FBN2: variants seen among roughly 807,000 people sequenced by gnomAD.
FBN2 encodes the protein fibrillin-2.
In FBN2, 105 loss-of-function variants were observed where a neutral mutation model predicts 355.6. The observed-to-expected ratio is 0.30, with a 90% CI of 0.25 to 0.35. The LOEUF (loss-of-function observed/expected upper bound fraction) is 0.35. Ranked by LOEUF, FBN2 falls within the 10% of genes least tolerant of loss-of-function variation. The pLI is 1.00. For synonymous variants in FBN2, 1,350 were observed against 1,301.2 expected, an observed-to-expected ratio of 1.04 and a Z score of -0.81; for missense variants, 3,280 against 3,758.7, an observed-to-expected ratio of 0.87 and a Z score of 3.33.
At chr5:128,367,059 T>C (rs1751791403) in intron 16 of FBN2, among the ~76,000 whole-genome samples, 1 of 152,180 alleles carries the variant, frequency 6.6e-6, no homozygotes, top group Non-Finnish European at 1.5e-5. Flanking sequence ...AGGTATCACA[T>C]TTATTCAGTC....
chr5:128,504,277 A>T (rs1425821796), intron 5 of FBN2, among the ~76,000 whole-genome samples: 1 of 152,204 alleles, frequency 6.6e-6, no homozygotes, highest in Admixed American at 6.5e-5. Flanking sequence ...CAGCCCCCAC[A>T]CAGAGTCCCC....
intron 7 of FBN2, among the ~76,000 whole-genome samples, chr5:128,434,372 T>A (rs943880270): frequency 9.4e-6 from 1 of 105,992 alleles, no homozygotes; most frequent in Admixed American, 9.3e-5. Flanking sequence ...CATTTTTCAA[T>A]GCCTGGCAGT....
At chr5:128,286,924 C>A in intron 54 of FBN2, 75 bp from the exon 55 acceptor site, 1 of 1,359,628 alleles carries the variant, frequency 7.4e-7, no homozygotes, top group Non-Finnish European at 1.0e-6. Flanking sequence ...CAGGTGTGGT[C>A]TTCTGACACT....
At chr5:128,376,983 TA>T in intron 13 of FBN2, 130 bp from the exon 14 acceptor site, 8 of 1,154,130 alleles carry the variant, frequency 6.9e-6, no homozygotes, top group East Asian at 2.4e-5. Context: ...TAGTTTTTTT[TA>T]AAAAAAGAAC....
At chr5:128,297,380 C>G (rs1307062298) in intron 48 of FBN2, among the ~76,000 whole-genome samples, 2 of 152,108 alleles carry the variant, frequency 1.3e-5, no homozygotes, top group African/African-American at 2.4e-5. Flanking sequence ...GAGTTCAATT[C>G]CTGGGTATGC....
intron 7 of FBN2, among the ~76,000 whole-genome samples, chr5:128,412,072 A>C (rs1753083291): frequency 6.6e-6 from 1 of 152,130 alleles, no homozygotes; most frequent in South Asian, 2.1e-4. Flanking sequence ...CTGCACACTG[A>C]ATATACTGCC....
chr5:128,268,320 C>T (rs1157056669), intron 62 of FBN2, among the ~76,000 whole-genome samples: 7 of 152,084 alleles, frequency 4.6e-5, no homozygotes, highest in Non-Finnish European at 8.8e-5. Flanking sequence ...CAAGACTAAA[C>T]CAGGAAGAAG....
Position 128,392,122 on chromosome 5 carries a change from T to C in FBN2, c.1499A>G (p.His500Arg). The C allele has an allele frequency of 6.2e-7, 1 of 1,613,708 alleles. No homozygotes were observed. The highest frequency in any genetic ancestry group is 1.1e-5 in the South Asian group (1 of 91,066). Residue 500 changes from histidine (H) to arginine (R), a missense_variant, in exon 11 of 65, where the codon CAT becomes CGT. His to Arg is a conservative substitution (Grantham distance 29, BLOSUM62 0). Around this residue, in one of 6 missense-constraint regions of FBN2, gnomAD observed 343 missense variants for 331.0 expected, o/e 1.04. Transcript: ENST00000262464. ...TCCATTTAAACAAAGGTTAGCATGA[T>C]GCTTACAGATATCTATTGTCTGGTT... ...ILNQTIDICKHHANLCLNGRC... is the reference protein window; with the variant it reads ...ILNQTIDICKRHANLCLNGRC...
chr5:128,476,680 A>G (rs754262152), intron 5 of FBN2, among the ~76,000 whole-genome samples: 79 of 152,178 alleles, frequency 5.2e-4, no homozygotes, highest in African/African-American at 2.7e-4. Context: ...AAAAAAATAA[A>G]TAAGAACATA....
intron 55 of FBN2, among the ~76,000 whole-genome samples, chr5:128,285,403 A>T (rs1304383947): frequency 1.3e-5 from 2 of 152,342 alleles, no homozygotes; most frequent in Non-Finnish European, 1.5e-5. Context: ...AAAATTTTGC[A>T]GACATTTCAG....
chr5:128,357,575 A>T (rs1354373704), intron 19 of FBN2, among the ~76,000 whole-genome samples, 180 bp from the exon 20 acceptor site: 2 of 152,204 alleles, frequency 1.3e-5, no homozygotes, highest in African/African-American at 4.8e-5. Context: ...GTGGATACAC[A>T]TCTATAGGAC....
intron 6 of FBN2, among the ~76,000 whole-genome samples, chr5:128,464,069 A>T (rs2127083024): frequency 6.6e-6 from 1 of 152,346 alleles, no homozygotes; most frequent in South Asian, 2.1e-4. Flanking sequence ...ATTAATTAAA[A>T]TAATTAATCA....
At chr5:128,324,609 T>C (rs1319162431) in intron 34 of FBN2, among the ~76,000 whole-genome samples, 1 of 150,384 alleles carries the variant, frequency 6.6e-6, no homozygotes, top group Non-Finnish European at 1.5e-5. Flanking sequence ...AGTGAGTTTG[T>C]TTTCTTTTTC....
chr5:128,310,078 A>G lies in FBN2; in HGVS notation c.5105T>C (p.Val1702Ala), dbSNP rs1749991299. 1 of 1,613,544 alleles carries G rather than the reference A, an allele frequency of 6.2e-7. No individual in the cohort carries two copies. The highest frequency in any genetic ancestry group is 8.5e-7 in the Non-Finnish European group (1 of 1,179,494). The change falls in exon 40 of 65, where the codon GTG becomes GCG. Residue 1702 changes from valine to alanine, a missense_variant. Around this residue, in one of 6 missense-constraint regions of FBN2, gnomAD observed 2,284 missense variants for 2,749.5 expected, o/e 0.83. Transcript: ENST00000262464. ...DIDECFAHPG[V>A]CGPGTCYNTL... ...GTTATAGCAGGTCCCAGGCCCACAC[A>G]CACCAGGATGTGCAAAACACTCATC...
rs3805637 is a variant in FBN2, at chr5:128,348,864, T to G, written c.2989+483A>C. 2.6e-5 allele frequency among the ~76,000 whole-genome samples: 4 copies of G among 152,200 alleles called. No individual in the cohort carries two copies. In the East Asian group the frequency reaches 7.7e-4, roughly 29 times the overall value. On this transcript the variant is annotated intron_variant, in intron 23 of 64. Transcript: ENST00000262464. The stretch of plus-strand genomic sequence containing the variant: ...TTCATCACTACAGATCTTTAAAAAA[T>G]AAACTATTAAGAAAACTTAAACTCT...
At chr5:128,471,657 CA>C (rs910979932) in intron 5 of FBN2, among the ~76,000 whole-genome samples, 3 of 151,500 alleles carry the variant, frequency 2.0e-5, no homozygotes, top group Non-Finnish European at 4.4e-5. Context: ...AAAACAAAAA[CA>C]AAAAAAACTC....
intron 51 of FBN2, among the ~76,000 whole-genome samples, chr5:128,289,644 T>C (rs777890357): frequency 4.6e-5 from 7 of 152,076 alleles, no homozygotes; most frequent in Non-Finnish European, 1.0e-4. Context: ...ACTGTGTATG[T>C]CTATTCAACA....
rs1165323714 is a variant in FBN2 at position 128,319,140 on chromosome 5, G to C, written c.4472-139C>G. ...GCTTTTTTTTTCTCTTTTTTGGCTA[G>C]GTAGATAAGTGTAAAGGGCAAGCAA... On this transcript the variant is annotated intron_variant, in intron 34 of 64. Coordinates refer to ENST00000262464, the MANE Select transcript of FBN2 (RefSeq NM_001999.4). The C allele has an allele frequency of 2.2e-5, 15 of 670,012 alleles. No homozygotes were observed. The East Asian group carries it at 4.1e-4, about 18-fold the overall frequency. 41.5% of individuals were successfully genotyped at this position (670,012 alleles called of 1,614,324 possible).
At position 128,537,590 on chromosome 5, in the gene FBN2, C is replaced by A; in HGVS notation, c.14G>T (p.Arg5Leu). 3.1e-6 allele frequency: 5 copies of A among 1,607,574 alleles called. No homozygotes were observed. Among genetic ancestry groups the A allele is most frequent in the Non-Finnish European group, 4.2e-6 (5 of 1,178,358 alleles). The change falls in exon 1 of 65, where the codon CGG (arginine) becomes CTG (leucine). Residue 5 changes from arginine to leucine, a missense_variant. Physicochemically the swap from Arg to Leu is moderately radical, Grantham distance 102 (BLOSUM62 -2). This residue lies in a region of FBN2 where 203 missense variants were observed against 142.2 expected (regional missense o/e 1.43). Coordinates refer to ENST00000262464, the MANE Select transcript of FBN2 (RefSeq NM_001999.4). ...GAAGTAGAGCTGGAGACACAGCCTC[C>A]GTCTTCTCCCCATCGCCGGCGCCGA... MGRR[R>L]RLCLQLYFLW...
Sources: gnomAD v4.1 joint callset for allele counts (sites outside exome capture counted in the v4.1 genomes callset) on GRCh38, gnomAD v4.1.1 for gene constraint, gnomAD v4.1.1 regional missense constraint, MANE v1.5 for transcripts, NCBI Gene and HGNC (gene_info 2026-07-23, HGNC 2026-07-21) for gene names.